The following SSX2IP variants were observed in gnomAD, a reference collection of about 807,000 sequenced individuals.
SSX2IP encodes afadin- and alpha-actinin-binding protein.
Under a neutral mutation model 84.9 loss-of-function variants are expected in SSX2IP, and 55 were observed. The observed-to-expected ratio is 0.65, with a 90% CI of 0.52 to 0.81. SSX2IP has a LOEUF of 0.81. SSX2IP is among the 30% of genes least tolerant of loss of function. The pLI is 0.00. For missense variants in SSX2IP, 664 were observed against 705.2 expected, an observed-to-expected ratio of 0.94 and a Z score of 0.66; for synonymous variants, 239 against 234.7, an observed-to-expected ratio of 1.02 and a Z score of -0.17.
chr1:84,677,305 C>G (rs551665771), intron 1 of SSX2IP, among the ~76,000 whole-genome samples: 1 of 152,298 alleles, frequency 6.6e-6, no homozygotes, highest in African/African-American at 2.4e-5. Flanking sequence ...TAAATATCAA[C>G]ACAATATTGA....
At chr1:84,656,860 G>C (rs1651197580) in intron 9 of SSX2IP, among the ~76,000 whole-genome samples, 1 of 152,038 alleles carries the variant, frequency 6.6e-6, no homozygotes, top group South Asian at 2.1e-4. Flanking sequence ...CATATTCAGA[G>C]AAGAGAAAAA....
intron 1 of SSX2IP, among the ~76,000 whole-genome samples, chr1:84,674,167 A>G (rs1039348214): frequency 1.3e-5 from 2 of 152,188 alleles, no homozygotes; most frequent in African/African-American, 4.8e-5. Context: ...TTACCGTAAC[A>G]ATGAAGCATA....
At chr1:84,650,084 T>C (rs1236043470) in intron 13 of SSX2IP, 1 of 625,616 alleles carries the variant, frequency 1.6e-6, no homozygotes, top group Admixed American at 2.7e-5. Context: ...AAGACTACAT[T>C]CTAAATTGTA....
chr1:84,645,535 T>C lies in SSX2IP; in HGVS notation c.*1898A>G, dbSNP rs1649364642. 1 of 152,212 alleles carries C rather than the reference T, an allele frequency of 6.6e-6. No homozygotes were observed. The highest frequency in any genetic ancestry group is 1.5e-5 in the Non-Finnish European group (1 of 68,032). 9.4% of individuals were successfully genotyped at this position (152,212 alleles called of 1,614,324 possible). A position where few individuals can be genotyped will look rare whatever the true frequency, so the allele number is the denominator to read the frequency against. ...ACAGATGCTGCTTTCTAGAACTCCA[T>C]TGTCATGAAATATAATATTTGCTAA... On this transcript the variant is annotated 3_prime_UTR_variant, in exon 14 of 14. Transcript: ENST00000342203.
intron 13 of SSX2IP, among the ~76,000 whole-genome samples, chr1:84,647,944 T>C (rs1184590743): frequency 6.6e-6 from 1 of 152,036 alleles, no homozygotes; most frequent in Admixed American, 6.6e-5. Context: ...GGGATTCTGA[T>C]GACCAAATTA....
chr1:84,675,070 A>G (rs995683566), intron 1 of SSX2IP, among the ~76,000 whole-genome samples: 9 of 152,262 alleles, frequency 5.9e-5, no homozygotes, highest in African/African-American at 2.2e-4. Context: ...TTCAAAAGCA[A>G]AAGAAAAAGG....
chr1:84,655,487 T>G, intron 11 of SSX2IP: 3 of 1,313,454 alleles, frequency 2.3e-6, no homozygotes, highest in South Asian at 2.5e-5. Flanking sequence ...AAATATAGTC[T>G]TGGTTGCACT....
rs1649238739 is a variant in SSX2IP at position 84,644,356 on chromosome 1, C to T, written c.*3077G>A. ...TTGGCCTTCCACTCAGCTCAGATTC[C>T]TAATAGCAGGCAGCGTGCTTATCTG... On this transcript the variant is annotated 3_prime_UTR_variant, in exon 14 of 14. Transcript: ENST00000342203. 1 of 152,150 alleles carries T rather than the reference C, an allele frequency of 6.6e-6. No homozygotes were observed. The highest frequency in any genetic ancestry group is 6.6e-5 in the Admixed American group (1 of 15,264). 9.4% of individuals were successfully genotyped at this position (152,150 alleles called of 1,614,324 possible).
At position 84,664,531 on chromosome 1, in the gene SSX2IP, T is replaced by G; in HGVS notation, c.559A>C (p.Ile187Leu). The change falls in exon 6 of 14, where the codon ATT (isoleucine) becomes CTT (leucine). Residue 187 changes from isoleucine (I) to leucine (L), a missense_variant. By Grantham distance (5) the Ile-to-Leu change is conservative. Transcript: ENST00000342203. ...KDEVQKLQNI[I>L]ASRATQYNHD... ...TTATACTGAGTAGCTCGACTTGCAA[T>G]GATATTTTGTAATTTTTGCACCTGA... 1 of 1,577,760 alleles carries G rather than the reference T, an allele frequency of 6.3e-7. No homozygotes were observed. The highest frequency in any genetic ancestry group is 2.4e-5 in the East Asian group (1 of 42,430).
intron 1 of SSX2IP, among the ~76,000 whole-genome samples, chr1:84,675,703 T>C (rs954564283): frequency 6.6e-6 from 1 of 152,220 alleles, no homozygotes; most frequent in Non-Finnish European, 1.5e-5. Flanking sequence ...TTGCTTCCTA[T>C]GCCCTATTAT....
chr1:84,666,782 G>A (rs1353064359), intron 4 of SSX2IP, among the ~76,000 whole-genome samples: 6 of 152,118 alleles, frequency 3.9e-5, no homozygotes, highest in Non-Finnish European at 5.9e-5. Flanking sequence ...TTCCCAGAGC[G>A]GAATGGCAGC....
intron 4 of SSX2IP, among the ~76,000 whole-genome samples, chr1:84,667,498 T>C (rs1652932923): frequency 6.6e-6 from 1 of 152,066 alleles, no homozygotes; most frequent in Non-Finnish European, 1.5e-5. Flanking sequence ...CCATCCCAAA[T>C]ACAAGTCTGC....
chr1:84,663,518 A>G (rs1314951139), intron 6 of SSX2IP, among the ~76,000 whole-genome samples: 1 of 152,180 alleles, frequency 6.6e-6, no homozygotes, highest in Non-Finnish European at 1.5e-5. Flanking sequence ...CTTCATTTCT[A>G]TTTTTCAACA....
intron 4 of SSX2IP, 35 bp from the exon 5 acceptor site, chr1:84,666,267 A>G: frequency 6.7e-7 from 1 of 1,501,054 alleles, no homozygotes; most frequent in Non-Finnish European, 9.2e-7. Context: ...CTTAAAATTA[A>G]TAAAGGATTT....
rs1570643064 is a variant in SSX2IP at position 84,665,975 on chromosome 1, A to G, written c.537+147T>C. The stretch of plus-strand genomic sequence containing the variant: ...GTTCCTGAGCTTCCAGTTAAATACT[A>G]TTACACAAAGGTCCACCATATCAAT... On this transcript the variant is annotated intron_variant, in intron 5 of 13. Transcript: ENST00000342203. 1.9e-5 allele frequency: 12 copies of G among 619,106 alleles called. No homozygotes were observed. In the East Asian group the frequency reaches 3.6e-4, roughly 18 times the overall value. The allele number at this position is 619,106 out of a possible 1,614,324, so 38.4% of individuals were successfully genotyped here.
chr1:84,650,982 G>C (rs1182547174), intron 12 of SSX2IP, among the ~76,000 whole-genome samples: 1 of 152,114 alleles, frequency 6.6e-6, no homozygotes, highest in Middle Eastern at 3.2e-3. Context: ...TGGGATTACA[G>C]GCGTGAGCCA....
chr1:84,677,165 A>C (rs1654468429), intron 1 of SSX2IP, among the ~76,000 whole-genome samples: 1 of 152,204 alleles, frequency 6.6e-6, no homozygotes. Flanking sequence ...TAATCCACTT[A>C]AAATGAGTCC....
At chr1:84,651,223 AAGG>A (rs1052031675) in intron 12 of SSX2IP, among the ~76,000 whole-genome samples, 4 of 152,070 alleles carry the variant, frequency 2.6e-5, no homozygotes, top group Non-Finnish European at 5.9e-5. Context: ...AGGCTGAGGC[AAGG>A]AGGATTGCCT....
Position 84,650,465 on chromosome 1 carries a change from A to G in SSX2IP, c.1567T>C (p.Ser523Pro). 6.2e-7 allele frequency: 1 copy of G among 1,614,192 alleles called. No homozygotes were observed. The highest frequency in any genetic ancestry group is 8.5e-7 in the Non-Finnish European group (1 of 1,180,042). Residue 523 changes from serine (S) to proline (P), a missense_variant, in exon 13 of 14, where the codon TCT becomes CCT. By Grantham distance (74) the Ser-to-Pro change is moderately conservative. Coordinates refer to ENST00000342203, the MANE Select transcript of SSX2IP (RefSeq NM_001166293.2). Reference protein sequence around the residue: ...RQPQKKPHSVSNGSPVCMSKL... With the variant: ...RQPQKKPHSVPNGSPVCMSKL... ...GACATGCAAACTGGAGACCCATTAGACACACTGTGAGGCTTCTTTTGCGGC... is the reference window on the plus strand; with the variant it reads ...GACATGCAAACTGGAGACCCATTAGGCACACTGTGAGGCTTCTTTTGCGGC...
Sources: allele counts gnomAD v4.1 joint callset (sites outside exome capture counted in the v4.1 genomes callset), GRCh38; gene constraint gnomAD v4.1.1; transcripts MANE v1.5; gene names NCBI Gene and HGNC (gene_info 2026-07-23, HGNC 2026-07-21).